NLGN4Y: variants seen among roughly 807,000 people sequenced by gnomAD.
The protein encoded by NLGN4Y is neuroligin 4 Y-linked.
In NLGN4Y, 4 loss-of-function variants were observed where a neutral mutation model predicts 8.4. The ratio of observed to expected loss-of-function variants is 0.48; its 90% CI spans 0.23 to 1.09. The LOEUF (loss-of-function observed/expected upper bound fraction) is 1.09. Among genes scored for constraint, NLGN4Y ranks in the 50% least tolerant of loss-of-function variants. The pLI, the probability that NLGN4Y is intolerant of heterozygous loss-of-function variation, is 0.19. For synonymous variants in NLGN4Y, 35 were observed against 75.6 expected, an observed-to-expected ratio of 0.46 and a Z score of 2.78; for missense variants, 90 against 192.3, an observed-to-expected ratio of 0.47 and a Z score of 3.15.
intron 4 of NLGN4Y, among the ~76,000 whole-genome samples, chrY:14,770,830 C>G (rs2081105620): frequency 3.0e-5 from 1 of 33,040 alleles, no homozygotes; most frequent in Non-Finnish European, 7.4e-5. Flanking sequence ...GAATTGCTAA[C>G]TAGAATAACC....
In NLGN4Y at chrY:14,834,014, A is replaced by G. The variant is rs769182164; in HGVS notation, c.1661+3495A>G. On this transcript the variant is annotated intron_variant, in intron 6 of 6. Transcript: ENST00000684976. Reference sequence around the variant, plus strand: ...GGCTATGTCACTATTAAAAAAAAAAAAAAAGAAAAAAAAAGATACGAAAAG... The same window carrying G: ...GGCTATGTCACTATTAAAAAAAAAAGAAAAGAAAAAAAAAGATACGAAAAG... Among the ~76,000 whole-genome samples the G allele has an allele frequency of 2.9e-3, 92 of 31,852 alleles. No individual in the cohort carries two copies. In the East Asian group the frequency reaches 0.059, roughly 20 times the overall value. 85.5% of individuals were successfully genotyped at this position (31,852 alleles called of 37,273 possible). A position where few individuals can be genotyped will look rare whatever the true frequency, so the allele number is the denominator to read the frequency against.
intron 2 of NLGN4Y, among the ~76,000 whole-genome samples, chrY:14,687,230 GT>G (rs2080794261): frequency 3.1e-5 from 1 of 32,778 alleles, no homozygotes; most frequent in Non-Finnish European, 7.5e-5. Flanking sequence ...AAAACAGAAT[GT>G]GGCAGTCGAG....
intron 1 of NLGN4Y, among the ~76,000 whole-genome samples, chrY:14,579,817 G>A: frequency 3.1e-5 from 1 of 32,303 alleles, no homozygotes; most frequent in Non-Finnish European, 7.5e-5. Context: ...AGAAAAAATA[G>A]CATGAACTAT....
intron 6 of NLGN4Y, among the ~76,000 whole-genome samples, chrY:14,832,057 C>G: frequency 2.9e-5 from 1 of 34,163 alleles, no homozygotes; most frequent in Non-Finnish European, 7.3e-5. Flanking sequence ...GTGTGTGCCA[C>G]CATCATCCAC....
At chrY:14,725,525 C>G (rs2080952591) in intron 4 of NLGN4Y, among the ~76,000 whole-genome samples, 1 of 33,727 alleles carries the variant, frequency 3.0e-5, no homozygotes, top group African/African-American at 1.2e-4. Flanking sequence ...ACTTTTCCCT[C>G]TATTATTAAT....
intron 2 of NLGN4Y, among the ~76,000 whole-genome samples, chrY:14,683,778 G>C: frequency 3.0e-5 from 1 of 33,697 alleles, no homozygotes; most frequent in Non-Finnish European, 7.4e-5. Context: ...AAAAATGCTA[G>C]AGTCATACAA....
chrY:14,834,734 GAGAAA>G (rs2043191518), intron 6 of NLGN4Y, among the ~76,000 whole-genome samples: 1 of 34,039 alleles, frequency 2.9e-5, no homozygotes, highest in Non-Finnish European at 7.3e-5. Flanking sequence ...CTCCAGGGCA[GAGAAA>G]GATTCCCTGG....
At chrY:14,791,714 A>C (rs919581768) in intron 4 of NLGN4Y, among the ~76,000 whole-genome samples, 2 of 32,688 alleles carry the variant, frequency 6.1e-5, no homozygotes, top group Non-Finnish European at 1.5e-4. Flanking sequence ...TTGCTCCTTG[A>C]CTCCTGACTG....
At chrY:14,600,534 T>C (rs2150498029) in intron 1 of NLGN4Y, among the ~76,000 whole-genome samples, 1 of 32,427 alleles carries the variant, frequency 3.1e-5, no homozygotes, top group South Asian at 6.6e-4. Context: ...TGATATATAA[T>C]AAGTTAAGTA....
chrY:14,567,395 A>T (rs1603499893), intron 1 of NLGN4Y, among the ~76,000 whole-genome samples: 13 of 30,295 alleles, frequency 4.3e-4, no homozygotes, highest in Middle Eastern at 0.014. Context: ...CGCCTGGCAA[A>T]TTTTTTGTAT....
rs2150549751 is a variant in NLGN4Y, at chrY:14,710,439, T to C, written c.473-9020T>C. Among the ~76,000 whole-genome samples the C allele has an allele frequency of 8.8e-5, 3 of 33,926 alleles. No individual in the cohort carries two copies. The East Asian group carries it at 2.4e-3, about 27-fold the overall frequency. The allele number at this position is 33,926 out of a possible 37,273, so 91.0% of individuals were successfully genotyped here. A position where few individuals can be genotyped will look rare whatever the true frequency, so the allele number is the denominator to read the frequency against. The stretch of plus-strand genomic sequence containing the variant: ...GGGAGGCTGAGGTTGGAAGGATCAC[T>C]GGAGCCCAGGAGCTGGAAGCTGCAG... On this transcript the variant is annotated intron_variant, in intron 2 of 6. Coordinates refer to ENST00000684976, the MANE Select transcript of NLGN4Y (RefSeq NM_001365588.1).
intron 4 of NLGN4Y, among the ~76,000 whole-genome samples, chrY:14,757,161 T>TTG (rs2081063705): frequency 3.3e-5 from 1 of 30,175 alleles, no homozygotes; most frequent in African/African-American, 1.3e-4. Flanking sequence ...TTTTTAGTTT[T>TTG]TGTGTGTGTG....
intron 1 of NLGN4Y, among the ~76,000 whole-genome samples, chrY:14,616,980 C>T (rs1052057762): frequency 1.2e-4 from 4 of 32,875 alleles, no homozygotes; most frequent in Admixed American, 5.6e-4. Flanking sequence ...GAGCTGAGTT[C>T]GGTTCCTGGA....
At chrY:14,823,626 GTCT>G (rs2043132039) in intron 4 of NLGN4Y, among the ~76,000 whole-genome samples, 1 of 33,339 alleles carries the variant, frequency 3.0e-5, no homozygotes, top group Non-Finnish European at 7.4e-5. Context: ...GATTCATTTT[GTCT>G]TCTATTAGCC....
At chrY:14,817,966 C>T in intron 4 of NLGN4Y, among the ~76,000 whole-genome samples, 1 of 32,617 alleles carries the variant, frequency 3.1e-5, no homozygotes, top group Non-Finnish European at 7.4e-5. Flanking sequence ...GGTTTTTGTA[C>T]TCCTAGAATT....
At chrY:14,797,838 T>C (rs775253590) in intron 4 of NLGN4Y, among the ~76,000 whole-genome samples, 2 of 33,586 alleles carry the variant, frequency 6.0e-5, no homozygotes, top group South Asian at 1.3e-3. Flanking sequence ...CTGTTATCTA[T>C]GTATAATTGT....
intron 2 of NLGN4Y, chrY:14,640,348 G>A: frequency 9.1e-6 from 1 of 109,818 alleles, no homozygotes; most frequent in Non-Finnish European, 1.9e-5. Flanking sequence ...ATGCTGGCAA[G>A]CCCCACCCAG....
chrY:14,635,026 T>C, intron 2 of NLGN4Y, among the ~76,000 whole-genome samples: 1 of 33,683 alleles, frequency 3.0e-5, no homozygotes, highest in South Asian at 6.6e-4. Flanking sequence ...TCTAGGTTCA[T>C]GAACACTCCC....
chrY:14,637,859 T>TG (rs1480131230), intron 2 of NLGN4Y, among the ~76,000 whole-genome samples: 12 of 29,408 alleles, frequency 4.1e-4, no homozygotes, highest in African/African-American at 1.1e-3. Context: ...TTTTTTTTTT[T>TG]TTGTGTGTGT....
Sources: gnomAD v4.1 joint callset for allele counts (sites outside exome capture counted in the v4.1 genomes callset) on GRCh38, gnomAD v4.1.1 for gene constraint, MANE v1.5 for transcripts, NCBI Gene and HGNC (gene_info 2026-07-23, HGNC 2026-07-21) for gene names.